Variants in PKP1 observed in about 807,000 individuals in gnomAD.
The protein encoded by PKP1 is plakophilin-1.
A neutral mutation model predicts 76.4 loss-of-function variants in PKP1; 27 were observed. The observed-to-expected ratio is 0.35, with a 90% CI of 0.26 to 0.49. The LOEUF (loss-of-function observed/expected upper bound fraction) is 0.49, where lower values mean the gene tolerates loss of function less well. Ranked by LOEUF, PKP1 falls within the 20% of genes least tolerant of loss-of-function variation. PKP1 has a pLI of 0.99. For missense variants in PKP1, 964 were observed against 955.2 expected (o/e 1.01, Z -0.12); for synonymous variants, 404 against 384.2 (o/e 1.05, Z -0.60).
chr1:201,298,643 T>G (rs539251255), intron 2 of PKP1, among the ~76,000 whole-genome samples: 29 of 152,336 alleles, frequency 1.9e-4, no homozygotes, highest in African/African-American at 6.7e-4. Context: ...CAGCCTGGCA[T>G]GCCTAAGAGT....
intron 1 of PKP1, among the ~76,000 whole-genome samples, chr1:201,293,599 C>T (rs989430392): frequency 6.6e-6 from 1 of 152,134 alleles, no homozygotes; most frequent in Admixed American, 6.5e-5. Flanking sequence ...AGTGATGATT[C>T]CCTGGGCTGG....
chr1:201,287,135 TTC>T (rs753332107), intron 1 of PKP1, among the ~76,000 whole-genome samples: 4 of 152,174 alleles, frequency 2.6e-5, no homozygotes, highest in Admixed American at 6.5e-5. Context: ...TGGCCTGAAA[TTC>T]TCTTTCTCCC....
At chr1:201,296,610 C>T (rs1346371531) in intron 2 of PKP1, among the ~76,000 whole-genome samples, 1 of 152,194 alleles carries the variant, frequency 6.6e-6, no homozygotes, top group Non-Finnish European at 1.5e-5. Flanking sequence ...GTGAGGTGCG[C>T]TACAGAAACA....
chr1:201,288,574 C>T (rs1232332764), intron 1 of PKP1, among the ~76,000 whole-genome samples: 1 of 152,206 alleles, frequency 6.6e-6, no homozygotes, highest in African/African-American at 2.4e-5. Flanking sequence ...GTCCTTCACT[C>T]ACACAGATCC....
chr1:201,309,453 TG>T (rs1656469224), intron 2 of PKP1, among the ~76,000 whole-genome samples: 1 of 152,206 alleles, frequency 6.6e-6, no homozygotes, highest in Admixed American at 6.5e-5. Flanking sequence ...GATTTCTGTC[TG>T]GCTGTCCAGT....
chr1:201,304,987 G>C (rs1355865970), intron 2 of PKP1, among the ~76,000 whole-genome samples: 1 of 152,214 alleles, frequency 6.6e-6, no homozygotes, highest in Non-Finnish European at 1.5e-5. Flanking sequence ...TGCACACTGG[G>C]AAGTGCCACA....
At position 201,317,789 on chromosome 1, in the gene PKP1, C is replaced by A. The variant is rs369819315; in HGVS notation, c.1054+10C>A. ...CAGAAGCAGCTGACTGGTAGGACAA[C>A]ACGGCCACCGAGAGCCAGCCTGAGG... On this transcript the variant is annotated intron_variant, in intron 5 of 13. Coordinates refer to ENST00000367324, the MANE Select transcript of PKP1 (RefSeq NM_001005337.3). The A allele has an allele frequency of 1.9e-6, 3 of 1,607,900 alleles. No homozygotes were observed. The highest frequency in any genetic ancestry group is 2.5e-6 in the Non-Finnish European group (3 of 1,177,756).
intron 2 of PKP1, among the ~76,000 whole-genome samples, chr1:201,309,236 A>C (rs1656461593): frequency 6.6e-6 from 1 of 151,790 alleles, no homozygotes; most frequent in Non-Finnish European, 1.5e-5. Flanking sequence ...ACAGGAATAG[A>C]GGGGAGCTTT....
chr1:201,318,695 C>A lies in PKP1; in HGVS notation c.1132C>A (p.Arg378Ser). Residue 378 changes from arginine (R) to serine (S), a missense_variant, in exon 6 of 14, where the codon CGC (arginine) becomes AGC (serine). Coordinates refer to ENST00000367324, the MANE Select transcript of PKP1 (RefSeq NM_001005337.3). ...IADALPVLAD[R>S]VIIPFSGWCD... ...CGACGCCCTGCCTGTTCTGGCCGAC[C>A]GCGTCATCATTCCCTTCTCTGGCTG... 3 of 1,612,288 alleles carry A rather than the reference C, an allele frequency of 1.9e-6. No homozygotes were observed. The highest frequency in any genetic ancestry group is 1.3e-5 in the African/African-American group (1 of 74,968).
intron 2 of PKP1, among the ~76,000 whole-genome samples, chr1:201,305,944 G>A (rs1558187191): frequency 6.6e-6 from 1 of 152,214 alleles, no homozygotes; most frequent in Non-Finnish European, 1.5e-5. Flanking sequence ...AGCTCCTGGA[G>A]GGCAGAATGA....
At chr1:201,302,533 T>C (rs1455187088) in intron 2 of PKP1, among the ~76,000 whole-genome samples, 1 of 152,136 alleles carries the variant, frequency 6.6e-6, no homozygotes, top group Non-Finnish European at 1.5e-5. Context: ...GCGAGACAAA[T>C]GCAGCAGAAT....
intron 1 of PKP1, among the ~76,000 whole-genome samples, chr1:201,292,056 C>T (rs925716931): frequency 3.9e-5 from 6 of 152,338 alleles, no homozygotes; most frequent in South Asian, 2.1e-4. Context: ...GGATGTTGCT[C>T]ATAGGCGGAT....
chr1:201,318,846 C>T (rs1159750598), intron 6 of PKP1, 51 bp downstream of exon 6: 2 of 1,435,916 alleles, frequency 1.4e-6, no homozygotes, highest in Non-Finnish European at 1.9e-6. Context: ...TGGGCCCTTC[C>T]CCAGGCAGCC....
rs2102402086 is a variant in PKP1, at chr1:201,283,639, C to A, written c.-64C>A. 2 of 1,416,814 alleles carry A rather than the reference C, an allele frequency of 1.4e-6. No homozygotes were observed. 87.8% of individuals were successfully genotyped at this position (1,416,814 alleles called of 1,614,324 possible). On this transcript the variant is annotated 5_prime_UTR_variant, in exon 1 of 14. Coordinates refer to ENST00000367324, the MANE Select transcript of PKP1 (RefSeq NM_001005337.3). The stretch of plus-strand genomic sequence containing the variant: ...GCACGCTCCTGCCCGCCCGCTGCAC[C>A]GCACCTCGCCTCGCCTCTCTGCTCT...
rs374521427 is a variant in PKP1 at position 201,324,957 on chromosome 1, G to A, written c.1851G>A (p.Pro617=). 46 of 1,613,500 alleles carry A rather than the reference G, an allele frequency of 2.9e-5. 1 individual carries two copies. The highest frequency in any genetic ancestry group is 1.5e-4 in the Admixed American group (9 of 60,004). The change falls in exon 11 of 14, where the codon CCG becomes CCA. Residue 617 remains proline, a synonymous_variant. Coordinates refer to ENST00000367324, the MANE Select transcript of PKP1 (RefSeq NM_001005337.3). Reference sequence around the variant, plus strand: ...CTCTCCCAGGGAACCAGGTGTTCCCGGAGGTGACCAGGCTCCTCACCAGCC... The same window carrying A: ...CTCTCCCAGGGAACCAGGTGTTCCCAGAGGTGACCAGGCTCCTCACCAGCC... ...LHRVMGNQVF[P]EVTRLLTSHT...
intron 9 of PKP1, among the ~76,000 whole-genome samples, chr1:201,323,565 T>C (rs538131853): frequency 3.3e-4 from 50 of 151,836 alleles, no homozygotes; most frequent in African/African-American, 1.1e-3. Context: ...AAAAAGAGGG[T>C]TTGGGGTCCA....
intron 7 of PKP1, among the ~76,000 whole-genome samples, chr1:201,321,557 TGGA>T (rs1656939081): frequency 6.6e-6 from 1 of 151,918 alleles, no homozygotes; most frequent in Non-Finnish European, 1.5e-5. Context: ...GGGCTTCTTC[TGGA>T]GGAGTTTGTT....
intron 6 of PKP1, 156 bp from the exon 7 acceptor site, chr1:201,320,111 A>G: frequency 1.4e-6 from 1 of 696,170 alleles, no homozygotes; most frequent in Non-Finnish European, 2.6e-6. Flanking sequence ...TCCTTCTACC[A>G]CAACTTCCAA....
chr1:201,293,989 A>G lies in PKP1; in HGVS notation c.250A>G (p.Ser84Gly). 6.2e-7 allele frequency: 1 copy of G among 1,613,990 alleles called. No individual in the cohort carries two copies. The highest frequency in any genetic ancestry group is 8.5e-7 in the Non-Finnish European group (1 of 1,179,914). ...LADNYNYGTT[S>G]RSSYYSKFQA... ...TGACAATTACAACTATGGGACCACC[A>G]GCAGGAGCAGCTACTACTCCAAGTT... Residue 84 changes from serine (S) to glycine (G), a missense_variant, in exon 2 of 14, where the codon AGC becomes GGC. Transcript: ENST00000367324.
Sources: gnomAD v4.1 joint callset for allele counts (sites outside exome capture counted in the v4.1 genomes callset) on GRCh38, gnomAD v4.1.1 for gene constraint, MANE v1.5 for transcripts, NCBI Gene and HGNC (gene_info 2026-07-23, HGNC 2026-07-21) for gene names.